The following RAPGEFL1 variants were observed in gnomAD, a reference collection of about 807,000 sequenced individuals.
RAPGEFL1 encodes rap guanine nucleotide exchange factor-like 1.
Under a neutral mutation model 64.4 loss-of-function variants are expected in RAPGEFL1, and 31 were observed. The ratio of observed to expected loss-of-function variants is 0.48; its 90% confidence interval spans 0.36 to 0.65. The LOEUF (loss-of-function observed/expected upper bound fraction) is 0.65. Among genes scored for constraint, RAPGEFL1 ranks in the 30% least tolerant of loss-of-function variants. The pLI is 0.00. For missense variants in RAPGEFL1, 682 were observed against 677.4 expected (o/e 1.01, Z -0.08); for synonymous variants, 331 against 274.1 (o/e 1.21, Z -2.05).
chr17:40,184,381 A>C (rs374518334), intron 3 of RAPGEFL1, 32 bp downstream of exon 3: 22 of 1,580,382 alleles, frequency 1.4e-5, no homozygotes, highest in Non-Finnish European at 1.7e-5. Flanking sequence ...GTGGGTAAAC[A>C]GGCTATTAGC....
chr17:40,189,058 G>A, intron 5 of RAPGEFL1, 80 bp downstream of exon 5: 1 of 1,481,454 alleles, frequency 6.8e-7, no homozygotes, highest in Non-Finnish European at 9.4e-7. Context: ...CACCCTCAGT[G>A]GCATCTCCCT....
rs8067519 is a variant in RAPGEFL1 at position 40,184,035 on chromosome 17, C to T, written c.600-179C>T. On this transcript the variant is annotated intron_variant, in intron 2 of 14. Transcript: ENST00000620260. ...ATTTTTGTATTTTTAGTAGAGTCTT[C>T]GTTTCACCATGTTGGCCAGACTGGT... is the stretch of plus-strand genomic sequence containing the variant. Among the ~76,000 whole-genome samples, 4 of 151,316 alleles carry T rather than the reference C, an allele frequency of 2.6e-5. 1 individual carries two copies. In the South Asian group the frequency reaches 8.4e-4, roughly 32 times the overall value.
Position 40,186,674 on chromosome 17 carries a change from G to C in RAPGEFL1, c.833+1996G>C, listed in dbSNP as rs1481100112. Reference sequence around the variant, plus strand: ...GCACTTTGGGAGGCCGAGGCAGGCAGAATGAGGTCAAGAGATCGAGACCAT... The same window carrying C: ...GCACTTTGGGAGGCCGAGGCAGGCACAATGAGGTCAAGAGATCGAGACCAT... On this transcript the variant is annotated intron_variant, in intron 4 of 14. Coordinates refer to ENST00000620260, the MANE Select transcript of RAPGEFL1 (RefSeq NM_016339.6). 2.8e-5 allele frequency among the ~76,000 whole-genome samples: 4 copies of C among 141,098 alleles called. No individual in the cohort carries two copies. The Admixed American group carries it at 3.0e-4, about 11-fold the overall frequency. 92.6% of individuals were successfully genotyped at this position (141,098 alleles called of 152,430 possible). A position where few individuals can be genotyped will look rare whatever the true frequency, so the allele number is the denominator to read the frequency against.
Position 40,186,877 on chromosome 17 carries a change from A to G in RAPGEFL1, c.834-1989A>G, listed in dbSNP as rs1275596711. On this transcript the variant is annotated intron_variant, in intron 4 of 14. Coordinates refer to ENST00000620260, the MANE Select transcript of RAPGEFL1 (RefSeq NM_016339.6). ...GCACTGCACGCCAGCCTGACAACAG[A>G]GCAAGACTCTGTCTCAAAAAAAAAA... Among the ~76,000 whole-genome samples, 21 of 149,582 alleles carry G rather than the reference A, an allele frequency of 1.4e-4. 1 individual carries two copies. Among genetic ancestry groups the G allele is most frequent in the Admixed American group, 4.0e-4 (6 of 14,918 alleles).
intron 1 of RAPGEFL1, 75 bp from the exon 2 acceptor site, chr17:40,181,541 G>A (rs1245236111): frequency 4.3e-6 from 3 of 695,432 alleles, no homozygotes; most frequent in Non-Finnish European, 7.9e-6. Flanking sequence ...AGGGGCAAGA[G>A]AGGGAGGCAC....
rs1289409012 is a variant in RAPGEFL1 at position 40,191,713 on chromosome 17, T to A, written c.1605+41T>A. On this transcript the variant is annotated intron_variant, in intron 10 of 14. Coordinates refer to ENST00000620260, the MANE Select transcript of RAPGEFL1 (RefSeq NM_016339.6). This position sits in a 1 kb window ranked among gnomAD's most constrained non-coding sequence, Gnocchi z 5.1. ...CCGTTCCTACCTGGGAATCTGGGCA[T>A]CCCGGGCTCCCCGAAGTGCGTCCTC... 1 of 1,571,546 alleles carries A rather than the reference T, an allele frequency of 6.4e-7. No homozygotes were observed. The highest frequency in any genetic ancestry group is 2.3e-5 in the East Asian group (1 of 43,592).
chr17:40,192,943 G>T lies in RAPGEFL1; in HGVS notation c.1762G>T (p.Glu588Ter). The T allele has an allele frequency of 6.2e-7, 1 of 1,613,866 alleles. No individual in the cohort carries two copies. Among genetic ancestry groups the T allele is most frequent in the Non-Finnish European group, 8.5e-7 (1 of 1,179,750 alleles). The change falls in exon 13 of 15, where the codon GAA (glutamate) becomes TAA (stop). Residue 588 changes from glutamate (E) to a stop codon, truncating the protein, a stop_gained. Coordinates refer to ENST00000620260, the MANE Select transcript of RAPGEFL1 (RefSeq NM_016339.6). LOFTEE classifies it high-confidence loss of function. ...LILKDLTFLH[E>*]GSKTLVDGLV... ...TCCCCTAGACCTGACTTTCCTGCAC[G>T]AAGGGAGTAAGACCCTTGTAGATGG...
chr17:40,193,477 A>G, intron 14 of RAPGEFL1, 60 bp downstream of exon 14: 1 of 1,596,396 alleles, frequency 6.3e-7, no homozygotes, highest in Admixed American at 1.7e-5. Flanking sequence ...GGGAGGGTTC[A>G]GGGGAGAACT....
rs752339646 is a variant in RAPGEFL1 at position 40,189,202 on chromosome 17, G to A, written c.947-6G>A. 7.4e-5 allele frequency: 120 copies of A among 1,613,688 alleles called. 1 individual carries two copies. The highest frequency in any genetic ancestry group is 2.9e-4 in the South Asian group (26 of 91,066). On this transcript the variant is annotated splice_region_variant and splice_polypyrimidine_tract_variant and intron_variant, in intron 5 of 14. Coordinates refer to ENST00000620260, the MANE Select transcript of RAPGEFL1 (RefSeq NM_016339.6). ...TGTTGAAAGCCATTTTCCTGTTTCC[G>A]TCCAGTCTTCTGCCGTGTATACATG...
At chr17:40,186,055 C>T (rs1990061236) in intron 4 of RAPGEFL1, among the ~76,000 whole-genome samples, 1 of 144,638 alleles carries the variant, frequency 6.9e-6, no homozygotes, top group African/African-American at 2.6e-5. Context: ...AGAGGCAGAT[C>T]ATGAGATCAG....
upstream of RAPGEFL1, chr17:40,177,024 G>A (rs1255759525): frequency 1.4e-6 from 1 of 701,284 alleles, no homozygotes; most frequent in East Asian, 2.7e-5. Flanking sequence ...TGCCCTACCA[G>A]AGAGGACAGA....
intron 12 of RAPGEFL1, 58 bp from the exon 13 acceptor site, chr17:40,192,868 C>T (rs1990325576): frequency 6.8e-7 from 1 of 1,474,888 alleles, no homozygotes. Context: ...GTGCAGTGGC[C>T]CCTTTCGAAC....
In RAPGEFL1 at chr17:40,178,375, G is replaced by T; in HGVS notation, c.514G>T (p.Ala172Ser). 1 of 517,150 alleles carries T rather than the reference G, an allele frequency of 1.9e-6. No homozygotes were observed. Among genetic ancestry groups the T allele is most frequent in the Non-Finnish European group, 3.5e-6 (1 of 288,226 alleles). The allele number at this position is 517,150 out of a possible 1,614,324, so 32.0% of individuals were successfully genotyped here. The change falls in exon 1 of 15, where the codon GCC becomes TCC. Residue 172 changes from alanine to serine, a missense_variant. Physicochemically the swap from Ala to Ser is moderately conservative, Grantham distance 99 (BLOSUM62 1). This residue lies in a region of RAPGEFL1 where 271 missense variants were observed against 158.0 expected (regional missense o/e 1.72). Coordinates refer to ENST00000620260, the MANE Select transcript of RAPGEFL1 (RefSeq NM_016339.6). ...TGGAGGGGCTACCAGGGACAGCGCC[G>T]CCTCAGGTAAGGAGCCGGTGGGCTC... ...LAGGATRDSA[A>S]SDILLDDIVL...
rs1989767570 is a variant in RAPGEFL1, at chr17:40,177,974, G to C, written c.113G>C (p.Gly38Ala). The change falls in exon 1 of 15, where the codon GGG becomes GCG. Residue 38 changes from glycine (G) to alanine (A), a missense_variant. Gly to Ala is a moderately conservative substitution (Grantham distance 60, BLOSUM62 0). This residue lies in a region of RAPGEFL1 where 271 missense variants were observed against 158.0 expected (regional missense o/e 1.72). Transcript: ENST00000620260. The stretch of plus-strand genomic sequence containing the variant: ...AGCTGCGGTGGGCCTGGAGGGGGTG[G>C]GGGACCCGGCGGGGGCGGCGGTCCA... ...LGSCGGPGGG[G>A]GPGGGGGPAG... 2.1e-6 allele frequency: 1 copy of C among 482,304 alleles called. No individual in the cohort carries two copies. The highest frequency in any genetic ancestry group is 3.7e-6 in the Non-Finnish European group (1 of 272,310). The allele number at this position is 482,304 out of a possible 1,614,324, so 29.9% of individuals were successfully genotyped here.
intron 4 of RAPGEFL1, among the ~76,000 whole-genome samples, chr17:40,187,127 CAT>C (rs1208230927): frequency 1.3e-5 from 2 of 151,966 alleles, no homozygotes; most frequent in African/African-American, 4.8e-5. Flanking sequence ...GTTTATAAAA[CAT>C]ATATATTTAT....
chr17:40,192,315 C>G lies in RAPGEFL1; in HGVS notation c.1656+52C>G, dbSNP rs1166726751. 3 of 1,566,968 alleles carry G rather than the reference C, an allele frequency of 1.9e-6. 1 individual carries two copies. The South Asian group carries it at 3.3e-5, about 17-fold the overall frequency. ...CTCTTGGACTGAGAGCCCAGAAACCCTCTGTTCCCATAAACCCCCTTCCTC... is the reference window on the plus strand; with the variant it reads ...CTCTTGGACTGAGAGCCCAGAAACCGTCTGTTCCCATAAACCCCCTTCCTC... On this transcript the variant is annotated intron_variant, in intron 11 of 14. Coordinates refer to ENST00000620260, the MANE Select transcript of RAPGEFL1 (RefSeq NM_016339.6).
chr17:40,193,878 T>C lies in RAPGEFL1; in HGVS notation c.*90T>C. The C allele has an allele frequency of 6.5e-7, 1 of 1,548,246 alleles. No individual in the cohort carries two copies. Among genetic ancestry groups the C allele is most frequent in the South Asian group, 1.2e-5 (1 of 85,864 alleles). ...TGTCTCAACCAACATCTGACATCTTTCCCGTGGAGCAACTTCCTGCTCCAC... is the reference window on the plus strand; with the variant it reads ...TGTCTCAACCAACATCTGACATCTTCCCCGTGGAGCAACTTCCTGCTCCAC... On this transcript the variant is annotated 3_prime_UTR_variant, in exon 15 of 15. Coordinates refer to ENST00000620260, the MANE Select transcript of RAPGEFL1 (RefSeq NM_016339.6).
chr17:40,183,513 C>A (rs1049337851), intron 2 of RAPGEFL1, among the ~76,000 whole-genome samples: 2 of 143,364 alleles, frequency 1.4e-5, no homozygotes, highest in Non-Finnish European at 3.0e-5. Context: ...CTTTTCTTTT[C>A]TTTTCTTTTT....
chr17:40,185,164 T>A (rs1428405340), intron 4 of RAPGEFL1, among the ~76,000 whole-genome samples: 1 of 152,084 alleles, frequency 6.6e-6, no homozygotes, highest in African/African-American at 2.4e-5. Context: ...ATTCTCCCAT[T>A]CATTTGTCTG....
Sources: gnomAD v4.1 joint callset for allele counts (sites outside exome capture counted in the v4.1 genomes callset) on GRCh38, gnomAD v4.1.1 for gene constraint, gnomAD v4.1.1 regional missense constraint, Gnocchi (gnomAD v3.1) non-coding constraint, MANE v1.5 for transcripts, NCBI Gene and HGNC (gene_info 2026-07-23, HGNC 2026-07-21) for gene names.